The following TASP1 variants were observed in gnomAD, a reference collection of about 807,000 sequenced individuals.
TASP1 encodes threonine aspartase 1.
A neutral mutation model predicts 56.6 loss-of-function variants in TASP1; 16 were observed. The ratio of observed to expected loss-of-function variants is 0.28; its 90% CI spans 0.19 to 0.43. TASP1 has a LOEUF of 0.43. Among genes scored for constraint, TASP1 ranks in the 20% least tolerant of loss-of-function variants. TASP1 has a pLI of 1.00. For synonymous variants in TASP1, 179 were observed against 184.2 expected (o/e 0.97, Z 0.23); for missense variants, 393 against 511.6 (o/e 0.77, Z 2.24).
the TASP1 span, among the ~76,000 whole-genome samples, chr20:13,145,741 A>G: frequency 3.9e-5 from 6 of 152,210 alleles, no homozygotes; most frequent in African/African-American, 1.2e-4. Flanking sequence ...TTCACACTAT[A>G]CTACAAGGCT....
the TASP1 span, chr20:13,164,938 A>T: frequency 7.7e-7 from 1 of 1,304,674 alleles, no homozygotes; most frequent in Middle Eastern, 1.9e-4. Flanking sequence ...CAAGGAATAT[A>T]AATGGATTTC....
At chr20:13,461,383 T>C (rs34158263) in intron 11 of TASP1, among the ~76,000 whole-genome samples, 3,038 of 152,308 alleles carry the variant, frequency 0.02, 48 homozygotes, top group Middle Eastern at 0.075. Flanking sequence ...CATAACAATA[T>C]AGACTTTGTT....
At chr20:13,184,185 G>T in the TASP1 span, among the ~76,000 whole-genome samples, 1 of 152,106 alleles carries the variant, frequency 6.6e-6, no homozygotes, top group African/African-American at 2.4e-5. Context: ...AAATAAGACA[G>T]ATCAAGTGAC....
rs574196171 is a variant in TASP1, at chr20:13,616,209, CAA to C, written c.282+7235_282+7236del. Among the ~76,000 whole-genome samples, 237 of 152,180 alleles carry C rather than the reference CAA, an allele frequency of 1.6e-3. 1 individual carries two copies. Among genetic ancestry groups the C allele is most frequent in the African/African-American group, 5.5e-3 (229 of 41,516 alleles). On this transcript the variant is annotated intron_variant, in intron 4 of 13. Transcript: ENST00000337743. Reference sequence around the variant, plus strand: ...AGAAGACATTTTACACTCAAAAATCCAAAAGTCTAAATTGTTTCCACGTAGTC... The same window carrying C: ...AGAAGACATTTTACACTCAAAAATCCAAGTCTAAATTGTTTCCACGTAGTC...
chr20:13,556,078 T>G (rs2046147042), intron 8 of TASP1, among the ~76,000 whole-genome samples: 1 of 152,114 alleles, frequency 6.6e-6, no homozygotes, highest in Non-Finnish European at 1.5e-5. Context: ...AGAAAGTTAC[T>G]GATTTCCACT....
intron 10 of TASP1, among the ~76,000 whole-genome samples, chr20:13,491,353 T>G (rs2043518578): frequency 6.6e-6 from 1 of 152,186 alleles, no homozygotes; most frequent in Admixed American, 6.5e-5. Flanking sequence ...TTGCCCGACT[T>G]AAGATTACAC....
chr20:13,140,946 A>G, the TASP1 span, among the ~76,000 whole-genome samples: 5 of 152,176 alleles, frequency 3.3e-5, no homozygotes, highest in Admixed American at 1.3e-4. Flanking sequence ...CTCTAACCCA[A>G]TGTGGACTGG....
At chr20:13,513,371 T>A (rs1009550125) in intron 10 of TASP1, among the ~76,000 whole-genome samples, 1 of 151,012 alleles carries the variant, frequency 6.6e-6, no homozygotes, top group African/African-American at 2.4e-5. Flanking sequence ...AGGGAGTAAA[T>A]CTTTGAAGTT....
At chr20:13,290,793 A>C in the TASP1 span, among the ~76,000 whole-genome samples, 3 of 152,244 alleles carry the variant, frequency 2.0e-5, no homozygotes, top group African/African-American at 7.2e-5. Flanking sequence ...TATTTTGTTT[A>C]ATGTTCACAA....
chr20:13,616,223 G>A (rs1394322469), intron 4 of TASP1, among the ~76,000 whole-genome samples: 2 of 152,062 alleles, frequency 1.3e-5, no homozygotes, highest in African/African-American at 4.8e-5. Context: ...AGTCTAAATT[G>A]TTTCCACGTA....
the TASP1 span, among the ~76,000 whole-genome samples, chr20:13,328,398 G>A: frequency 6.6e-6 from 1 of 152,280 alleles, no homozygotes; most frequent in Non-Finnish European, 1.5e-5. Context: ...AGACAGTGTG[G>A]TGATTCCTCA....
chr20:13,476,288 ACAGTGTACTCCTT>A (rs2042948935), intron 11 of TASP1, among the ~76,000 whole-genome samples: 1 of 152,204 alleles, frequency 6.6e-6, no homozygotes, highest in South Asian at 2.1e-4. Context: ...ATCTGAGCTG[ACAGTGTACTCCTT>A]CAGAAAGGAT....
At chr20:13,368,167 C>T in the TASP1 span, 1 of 152,056 alleles carries the variant, frequency 6.6e-6, no homozygotes, top group Non-Finnish European at 1.5e-5. Context: ...TTTGAGACCA[C>T]AGGATTAAGA....
chr20:13,337,929 C>A, the TASP1 span, among the ~76,000 whole-genome samples: 2 of 152,174 alleles, frequency 1.3e-5, no homozygotes, highest in African/African-American at 4.8e-5. Context: ...GCTTCTACTG[C>A]ATTTAAGAAA....
At chr20:13,539,451 G>A (rs1352578829) in intron 8 of TASP1, among the ~76,000 whole-genome samples, 1 of 152,184 alleles carries the variant, frequency 6.6e-6, no homozygotes, top group Non-Finnish European at 1.5e-5. Flanking sequence ...TCAGGAGGCT[G>A]AGGCTGGAAG....
the TASP1 span, chr20:13,221,888 G>T: frequency 7.1e-7 from 1 of 1,400,126 alleles, no homozygotes; most frequent in Admixed American, 3.2e-5. Flanking sequence ...CGCGGCCGCG[G>T]GCAACGCCAG....
chr20:13,569,933 T>C (rs1330793612), intron 6 of TASP1, among the ~76,000 whole-genome samples: 1 of 152,132 alleles, frequency 6.6e-6, no homozygotes, highest in Non-Finnish European at 1.5e-5. Flanking sequence ...CAAGATTGGT[T>C]ACTCAAATTA....
At chr20:13,182,379 T>TATCTGCTGTCACATATTTCATC in the TASP1 span, among the ~76,000 whole-genome samples, 1 of 152,228 alleles carries the variant, frequency 6.6e-6, no homozygotes, top group Non-Finnish European at 1.5e-5. Context: ...TGTATTTAGT[T>TATCTGCTGTCACATATTTCATC]ATCTGCTGTC....
chr20:13,597,255 T>G (rs1293856035), intron 4 of TASP1, among the ~76,000 whole-genome samples: 1 of 152,186 alleles, frequency 6.6e-6, no homozygotes, highest in Non-Finnish European at 1.5e-5. Context: ...ACCAATATCC[T>G]TGTTGAACAT....
Sources: allele counts gnomAD v4.1 joint callset (sites outside exome capture counted in the v4.1 genomes callset), GRCh38; gene constraint gnomAD v4.1.1; transcripts MANE v1.5; gene names NCBI Gene and HGNC (gene_info 2026-07-23, HGNC 2026-07-21).